The following PGBD2 variants were observed in gnomAD, a reference collection of about 807,000 sequenced individuals.
PGBD2 encodes piggyBac transposable element-derived protein 2.
In PGBD2, 6 loss-of-function variants were observed where a neutral mutation model predicts 8.1. The ratio of observed to expected loss-of-function variants is 0.74; its 90% CI spans 0.40 to 1.46. The LOEUF is 1.46. Among genes scored for constraint, PGBD2 ranks in the 40% most tolerant of loss-of-function variants. The pLI is 0.02. For missense variants in PGBD2, 802 were observed against 739.0 expected, an observed-to-expected ratio of 1.09 and a Z score of -0.99; for synonymous variants, 318 against 272.2, an observed-to-expected ratio of 1.17 and a Z score of -1.66.
At chr1:248,900,113 A>G in the PGBD2 span, among the ~76,000 whole-genome samples, 1 of 151,802 alleles carries the variant, frequency 6.6e-6, no homozygotes, top group Admixed American at 6.6e-5. Context: ...AAAAAAAAAA[A>G]AAAGCCCAGG....
chr1:248,919,806 G>A (rs1388103517), downstream of PGBD2: 2 of 166,698 alleles, frequency 1.2e-5, no homozygotes, highest in African/African-American at 2.4e-5. Context: ...ATATCTCAAT[G>A]TAGTTTTCAC....
chr1:248,920,258 C>T (rs929264054), downstream of PGBD2, among the ~76,000 whole-genome samples: 1 of 152,090 alleles, frequency 6.6e-6, no homozygotes, highest in African/African-American at 2.4e-5. Context: ...ATCAACCTGT[C>T]ACCTACATTA....
the PGBD2 span, among the ~76,000 whole-genome samples, chr1:248,896,037 A>G: frequency 6.6e-6 from 1 of 151,950 alleles, no homozygotes; most frequent in Non-Finnish European, 1.5e-5. Flanking sequence ...CCCCGCCCCG[A>G]GTCCCAGAAG....
chr1:248,893,928 T>G, the PGBD2 span, among the ~76,000 whole-genome samples: 652 of 152,344 alleles, frequency 4.3e-3, 1 homozygote, highest in African/African-American at 0.015. Flanking sequence ...ATTGATTGAT[T>G]GATTAAAGAC....
upstream of PGBD2, among the ~76,000 whole-genome samples, chr1:248,905,291 G>A (rs910793419): frequency 2.0e-5 from 3 of 151,640 alleles, no homozygotes; most frequent in Non-Finnish European, 1.5e-5. Flanking sequence ...TCACTAAGTG[G>A]CCCTCTTTTT....
chr1:248,882,000 G>A, the PGBD2 span, among the ~76,000 whole-genome samples: 2 of 152,194 alleles, frequency 1.3e-5, no homozygotes, highest in Admixed American at 1.3e-4. Context: ...TAGAAGCAGA[G>A]GCAAGAAAGC....
chr1:248,875,347 A>T, the PGBD2 span, among the ~76,000 whole-genome samples: 1 of 151,582 alleles, frequency 6.6e-6, no homozygotes, highest in Non-Finnish European at 1.5e-5. Flanking sequence ...AAAAAGAAAG[A>T]AAGTTGAGAT....
chr1:248,923,251 G>A (rs188832578), downstream of PGBD2, among the ~76,000 whole-genome samples: 2 of 152,268 alleles, frequency 1.3e-5, no homozygotes, highest in Non-Finnish European at 2.9e-5. Context: ...GCATAGATGC[G>A]TTTATAGTAT....
chr1:248,922,300 C>G (rs1350997182), downstream of PGBD2, among the ~76,000 whole-genome samples: 2 of 152,212 alleles, frequency 1.3e-5, no homozygotes, highest in Admixed American at 6.5e-5. Flanking sequence ...ACCTCGTGAT[C>G]CACCAGCCTC....
the PGBD2 span, among the ~76,000 whole-genome samples, chr1:248,889,179 G>A: frequency 6.6e-6 from 1 of 152,188 alleles, no homozygotes; most frequent in Non-Finnish European, 1.5e-5. Context: ...GAGGTCAGGA[G>A]TTCGAGACCA....
At chr1:248,895,018 T>C in the PGBD2 span, among the ~76,000 whole-genome samples, 1 of 152,128 alleles carries the variant, frequency 6.6e-6, no homozygotes, top group Non-Finnish European at 1.5e-5. Context: ...TTGTCCAGGC[T>C]GGTCTCTAAC....
At chr1:248,874,358 T>C in the PGBD2 span, among the ~76,000 whole-genome samples, 3 of 152,282 alleles carry the variant, frequency 2.0e-5, no homozygotes, top group East Asian at 5.8e-4. Context: ...GGGCTAACCA[T>C]AGGTGATGTT....
At chr1:248,889,643 G>C in the PGBD2 span, among the ~76,000 whole-genome samples, 1 of 152,096 alleles carries the variant, frequency 6.6e-6, no homozygotes, top group Non-Finnish European at 1.5e-5. Flanking sequence ...AGGCAGCTCG[G>C]GGACAGGGAA....
At chr1:248,889,152 C>T in the PGBD2 span, among the ~76,000 whole-genome samples, 2 of 152,128 alleles carry the variant, frequency 1.3e-5, no homozygotes, top group South Asian at 2.1e-4. Flanking sequence ...TTTGAGAGGC[C>T]AAGGTGGGCA....
chr1:248,878,203 G>A, the PGBD2 span, among the ~76,000 whole-genome samples: 1 of 149,834 alleles, frequency 6.7e-6, no homozygotes, highest in Non-Finnish European at 1.5e-5. Context: ...TTTTTGAGAC[G>A]GAGTCTCGCT....
downstream of PGBD2, among the ~76,000 whole-genome samples, chr1:248,924,242 G>A (rs1662342290): frequency 6.6e-6 from 1 of 152,202 alleles, no homozygotes; most frequent in South Asian, 2.1e-4. Flanking sequence ...TCTTTCTTAT[G>A]CGCTTTTTTT....
chr1:248,923,594 G>C (rs968306404), downstream of PGBD2, among the ~76,000 whole-genome samples: 1 of 152,314 alleles, frequency 6.6e-6, no homozygotes, highest in East Asian at 1.9e-4. Context: ...CTGTTAAACA[G>C]AAAATAATCA....
the PGBD2 span, among the ~76,000 whole-genome samples, chr1:248,896,050 T>C: frequency 6.6e-6 from 1 of 152,110 alleles, no homozygotes; most frequent in African/African-American, 2.4e-5. Context: ...CCCAGAAGTC[T>C]ATTATATCAT....
intron 1 of PGBD2, 42 bp downstream of exon 1, chr1:248,906,384 G>A (rs952349315): frequency 3.9e-5 from 6 of 152,048 alleles, no homozygotes; most frequent in African/African-American, 1.5e-4. Context: ...GGCTTCGCTT[G>A]AGTACAGGAG....
Sources: allele counts gnomAD v4.1 joint callset (sites outside exome capture counted in the v4.1 genomes callset), GRCh38; gene constraint gnomAD v4.1.1; transcripts MANE v1.5; gene names NCBI Gene and HGNC (gene_info 2026-07-23, HGNC 2026-07-21).